KCNIP4: variants seen among roughly 807,000 people sequenced by gnomAD.
KCNIP4 encodes the protein potassium voltage-gated channel interacting protein 4, also known as Kv channel-interacting protein 4.
A neutral mutation model predicts 34.0 loss-of-function variants in KCNIP4; 12 were observed. The observed-to-expected ratio is 0.35, with a 90% confidence interval of 0.23 to 0.57. KCNIP4 has a LOEUF of 0.57. Among genes scored for constraint, KCNIP4 ranks in the 20% least tolerant of loss-of-function variants. The pLI is 0.83. For synonymous variants in KCNIP4, 124 were observed against 102.2 expected (o/e 1.21, Z -1.29); for missense variants, 238 against 311.7 (o/e 0.76, Z 1.78).
chr4:20,777,874 A>G (rs1756508064), intron 3 of KCNIP4, among the ~76,000 whole-genome samples: 1 of 152,226 alleles, frequency 6.6e-6, no homozygotes, highest in Non-Finnish European at 1.5e-5. Flanking sequence ...GTGCTCCTTT[A>G]GCACATAGGT....
intron 1 of KCNIP4, among the ~76,000 whole-genome samples, chr4:21,902,030 G>A (rs1727733163): frequency 6.6e-6 from 1 of 152,176 alleles, no homozygotes; most frequent in Non-Finnish European, 1.5e-5. Flanking sequence ...CTGTGTCTGA[G>A]TCATTGCCAA....
At chr4:21,024,632 A>G (rs959596440) in intron 1 of KCNIP4, among the ~76,000 whole-genome samples, 3 of 152,180 alleles carry the variant, frequency 2.0e-5, no homozygotes, top group Non-Finnish European at 1.5e-5. Context: ...ACACCCAGCA[A>G]TAAGTCTATT....
intron 1 of KCNIP4, among the ~76,000 whole-genome samples, chr4:21,044,900 A>C (rs1204993501): frequency 6.6e-6 from 1 of 152,176 alleles, no homozygotes; most frequent in Non-Finnish European, 1.5e-5. Flanking sequence ...CCTTTCACCA[A>C]CTAGGAAGCA....
chr4:21,391,713 G>A (rs1380548760), intron 1 of KCNIP4, among the ~76,000 whole-genome samples: 1 of 152,086 alleles, frequency 6.6e-6, no homozygotes, highest in Non-Finnish European at 1.5e-5. Context: ...TCTGTCTCCT[G>A]GAAAAATTCT....
At chr4:21,809,198 A>C (rs868660149) in intron 1 of KCNIP4, among the ~76,000 whole-genome samples, 1 of 152,166 alleles carries the variant, frequency 6.6e-6, no homozygotes, top group South Asian at 2.1e-4. Flanking sequence ...GGCATTAATC[A>C]TTCCATTAAG....
intron 1 of KCNIP4, among the ~76,000 whole-genome samples, chr4:21,737,180 T>C (rs537927839): frequency 6.6e-6 from 1 of 152,308 alleles, no homozygotes; most frequent in South Asian, 2.1e-4. Flanking sequence ...GTCATTTACC[T>C]ACCTTCAGTG....
At chr4:21,277,533 A>T (rs891953266) in intron 1 of KCNIP4, among the ~76,000 whole-genome samples, 9 of 152,226 alleles carry the variant, frequency 5.9e-5, no homozygotes, top group Non-Finnish European at 1.3e-4. Flanking sequence ...TCATAAATTC[A>T]AAGAAAATTG....
At chr4:21,137,313 G>T (rs1487858987) in intron 1 of KCNIP4, among the ~76,000 whole-genome samples, 2 of 152,184 alleles carry the variant, frequency 1.3e-5, no homozygotes. Context: ...CATTTCCACA[G>T]ATGAAGAAGA....
At chr4:20,958,919 T>C (rs1560601494) in intron 1 of KCNIP4, among the ~76,000 whole-genome samples, 1 of 152,186 alleles carries the variant, frequency 6.6e-6, no homozygotes, top group African/African-American at 2.4e-5. Context: ...AAAATTGACA[T>C]TGCTGAGACA....
intron 3 of KCNIP4, among the ~76,000 whole-genome samples, chr4:20,846,574 A>C (rs56330937): frequency 0.36 from 54,718 of 151,954 alleles, 10,344 homozygotes; most frequent in Non-Finnish European, 0.42. Flanking sequence ...GATTAAAAAA[A>C]AGAAGAATTC....
chr4:21,111,911 A>T (rs552072842), intron 1 of KCNIP4, among the ~76,000 whole-genome samples: 1 of 152,350 alleles, frequency 6.6e-6, no homozygotes, highest in East Asian at 1.9e-4. Context: ...GAACATGCTA[A>T]TCCAGTGGAA....
intron 1 of KCNIP4, among the ~76,000 whole-genome samples, chr4:20,936,536 ACT>A (rs1731082397): frequency 6.6e-6 from 1 of 151,760 alleles, no homozygotes; most frequent in Non-Finnish European, 1.5e-5. Flanking sequence ...CTGAATATTT[ACT>A]CTGAGTCCAG....
intron 1 of KCNIP4, among the ~76,000 whole-genome samples, chr4:21,307,784 C>T (rs1245193742): frequency 6.6e-6 from 1 of 152,140 alleles, no homozygotes; most frequent in Non-Finnish European, 1.5e-5. Context: ...CCTATTCCTA[C>T]TGCTTCTTTT....
intron 1 of KCNIP4, among the ~76,000 whole-genome samples, chr4:21,500,290 C>T (rs1298646976): frequency 6.6e-6 from 1 of 152,074 alleles, no homozygotes; most frequent in Non-Finnish European, 1.5e-5. Context: ...TAACTTTTAA[C>T]GTTTATCACC....
At chr4:21,735,759 G>A (rs530820970) in intron 1 of KCNIP4, among the ~76,000 whole-genome samples, 33 of 152,210 alleles carry the variant, frequency 2.2e-4, no homozygotes, top group African/African-American at 5.8e-4. Flanking sequence ...AATCTGTCAC[G>A]CGAAGAATGG....
At chr4:20,828,153 G>A (rs1019594687) in intron 3 of KCNIP4, among the ~76,000 whole-genome samples, 1 of 152,182 alleles carries the variant, frequency 6.6e-6, no homozygotes. Flanking sequence ...CAGGGATCAG[G>A]CGCGGTGGCT....
intron 1 of KCNIP4, among the ~76,000 whole-genome samples, chr4:21,724,689 A>C (rs1396685656): frequency 3.3e-5 from 5 of 151,888 alleles, no homozygotes; most frequent in African/African-American, 1.2e-4. Flanking sequence ...ATATAATTTT[A>C]TGCTCATTTA....
chr4:21,027,336 C>T (rs1740643197), intron 1 of KCNIP4, among the ~76,000 whole-genome samples: 1 of 151,892 alleles, frequency 6.6e-6, no homozygotes, highest in Non-Finnish European at 1.5e-5. Flanking sequence ...CTGTGCGGCC[C>T]GTGAAGTCTT....
At chr4:21,247,759 T>TATATATATATATATATATATATATACAC (rs1366204923) in intron 1 of KCNIP4, among the ~76,000 whole-genome samples, 2 of 120,012 alleles carry the variant, frequency 1.7e-5, no homozygotes, top group Non-Finnish European at 3.3e-5. Flanking sequence ...TATATATATA[T>TATATATATATATATATATATATATACAC]ACACCCCACA....
Sources: gnomAD v4.1 joint callset for allele counts (sites outside exome capture counted in the v4.1 genomes callset) on GRCh38, gnomAD v4.1.1 for gene constraint, MANE v1.5 for transcripts, NCBI Gene and HGNC (gene_info 2026-07-23, HGNC 2026-07-21) for gene names.